The following TRDN variants were observed in gnomAD, a reference collection of about 807,000 sequenced individuals.
The protein encoded by TRDN is triadin in skeletal muscle.
TRDN carries 161 observed loss-of-function variants against 149.7 expected under a neutral mutation model. The ratio of observed to expected loss-of-function variants is 1.08; its 90% CI spans 0.95 to 1.23. The LOEUF (loss-of-function observed/expected upper bound fraction) is 1.23. Ranked by LOEUF, TRDN falls within the 50% of genes most tolerant of loss-of-function variation. The pLI is 0.00. For missense variants in TRDN, 896 were observed against 823.5 expected (o/e 1.09, Z -1.08); for synonymous variants, 294 against 250.5 (o/e 1.17, Z -1.64).
At chr6:123,496,126 T>A (rs1278337528) in intron 9 of TRDN, among the ~76,000 whole-genome samples, 1 of 147,160 alleles carries the variant, frequency 6.8e-6, no homozygotes, top group African/African-American at 2.5e-5. Context: ...ATAATATATA[T>A]TTATAAATTA....
chr6:123,325,172 T>A (rs1186968612), intron 23 of TRDN, among the ~76,000 whole-genome samples: 1 of 152,136 alleles, frequency 6.6e-6, no homozygotes, highest in Non-Finnish European at 1.5e-5. Flanking sequence ...AATAAGATTA[T>A]TTTTAGTGGT....
chr6:123,413,201 TCAA>T (rs978418765), intron 12 of TRDN, among the ~76,000 whole-genome samples: 3 of 152,232 alleles, frequency 2.0e-5, no homozygotes, highest in Admixed American at 6.5e-5. Flanking sequence ...CTTTCTGTTC[TCAA>T]CAAATTCCCA....
chr6:123,568,280 C>T (rs193041803), intron 2 of TRDN, among the ~76,000 whole-genome samples: 3 of 152,240 alleles, frequency 2.0e-5, no homozygotes, highest in Admixed American at 6.5e-5. Context: ...GGAGGCTGCT[C>T]TCACACATTG....
At position 123,216,911 on chromosome 6, in the gene TRDN, T is replaced by G. The variant is rs909738306; in HGVS notation, c.*1690A>C. ...ATTCTGTTCTATGAAATCTAAAACA[T>G]CTATCATATTTGCTATTTCTTTACT... On this transcript the variant is annotated 3_prime_UTR_variant, in exon 41 of 41. Coordinates refer to ENST00000334268, the MANE Select transcript of TRDN (RefSeq NM_006073.4). 6.6e-6 allele frequency: 1 copy of G among 151,994 alleles called. No homozygotes were observed. Among genetic ancestry groups the G allele is most frequent in the African/African-American group, 2.4e-5 (1 of 41,420 alleles). 9.4% of individuals were successfully genotyped at this position (151,994 alleles called of 1,614,324 possible). A position where few individuals can be genotyped will look rare whatever the true frequency, so the allele number is the denominator to read the frequency against.
chr6:123,544,188 A>T (rs964864626), intron 4 of TRDN, among the ~76,000 whole-genome samples: 11 of 151,196 alleles, frequency 7.3e-5, no homozygotes, highest in African/African-American at 2.7e-4. Flanking sequence ...AATAAATCTA[A>T]CCCTATATTT....
At chr6:123,621,879 G>C (rs1209679634) in intron 1 of TRDN, among the ~76,000 whole-genome samples, 1 of 152,116 alleles carries the variant, frequency 6.6e-6, no homozygotes, top group Admixed American at 6.6e-5. Context: ...GATGAATATG[G>C]GCTTCCCATG....
intron 38 of TRDN, among the ~76,000 whole-genome samples, chr6:123,232,746 G>T (rs1775651970): frequency 2.0e-5 from 3 of 151,986 alleles, no homozygotes; most frequent in Non-Finnish European, 4.4e-5. Context: ...ATTGTAATTT[G>T]GGGAGAAGGC....
At chr6:123,488,453 A>G (rs1218839778) in intron 9 of TRDN, among the ~76,000 whole-genome samples, 1 of 152,058 alleles carries the variant, frequency 6.6e-6, no homozygotes, top group African/African-American at 2.4e-5. Context: ...CATTGACCCC[A>G]CTGTATTCCT....
At chr6:123,582,669 G>A (rs1018979414) in intron 1 of TRDN, among the ~76,000 whole-genome samples, 9 of 152,244 alleles carry the variant, frequency 5.9e-5, no homozygotes, top group African/African-American at 9.6e-5. Flanking sequence ...GCAGGAACCC[G>A]CGATCTGGAT....
At chr6:123,393,042 C>T (rs1297891542) in intron 13 of TRDN, among the ~76,000 whole-genome samples, 8 of 151,970 alleles carry the variant, frequency 5.3e-5, no homozygotes, top group African/African-American at 4.8e-5. Flanking sequence ...ACACTTGAAC[C>T]CTTCCCTCAT....
chr6:123,535,482 C>T (rs558478473), intron 4 of TRDN, among the ~76,000 whole-genome samples: 2 of 152,198 alleles, frequency 1.3e-5, no homozygotes, highest in African/African-American at 4.8e-5. Flanking sequence ...AGATCCTTAT[C>T]GCTATTCATC....
intron 1 of TRDN, among the ~76,000 whole-genome samples, chr6:123,616,846 T>A (rs1785114151): frequency 6.6e-6 from 1 of 152,094 alleles, no homozygotes; most frequent in Non-Finnish European, 1.5e-5. Flanking sequence ...TGATCCCCAT[T>A]TTTTTTTCTC....
At chr6:123,590,406 G>A (rs542254988) in intron 1 of TRDN, among the ~76,000 whole-genome samples, 41 of 152,272 alleles carry the variant, frequency 2.7e-4, no homozygotes, top group African/African-American at 9.9e-4. Context: ...ACACTTCAGA[G>A]TTTCTACCAA....
rs149055590 is a variant in TRDN at position 123,627,503 on chromosome 6, T to C, written c.22+9251A>G. Reference sequence around the variant, plus strand: ...CATGCAGGCTTTATTATCTCATTGATAGAGCACAGGCAAAGTAAATTTATT... The same window carrying C: ...CATGCAGGCTTTATTATCTCATTGACAGAGCACAGGCAAAGTAAATTTATT... On this transcript the variant is annotated intron_variant, in intron 1 of 40. Coordinates refer to ENST00000334268, the MANE Select transcript of TRDN (RefSeq NM_006073.4). Among the ~76,000 whole-genome samples, 307 of 152,300 alleles carry C rather than the reference T, an allele frequency of 2.0e-3. 1 individual carries two copies. The highest frequency in any genetic ancestry group is 4.3e-3 in the South Asian group (21 of 4,832).
intron 20 of TRDN, among the ~76,000 whole-genome samples, chr6:123,362,864 T>C (rs1282898833): frequency 1.3e-5 from 2 of 152,134 alleles, no homozygotes; most frequent in Non-Finnish European, 2.9e-5. Context: ...TCATATAATA[T>C]ATAATCCACA....
intron 1 of TRDN, among the ~76,000 whole-genome samples, chr6:123,627,803 A>G (rs1180227179): frequency 6.6e-6 from 1 of 152,350 alleles, no homozygotes; most frequent in African/African-American, 2.4e-5. Flanking sequence ...CAGCTTCTAC[A>G]TCAATCCTTG....
intron 1 of TRDN, among the ~76,000 whole-genome samples, chr6:123,573,607 C>T (rs1370097403): frequency 1.3e-5 from 2 of 152,048 alleles, no homozygotes; most frequent in Non-Finnish European, 2.9e-5. Flanking sequence ...AAAGGATTCT[C>T]TGACTTCCTT....
Position 123,596,522 on chromosome 6 carries a change from AT to A in TRDN, c.23-25391del, listed in dbSNP as rs368211535. On this transcript the variant is annotated intron_variant, in intron 1 of 40. Transcript: ENST00000334268. ...CAGCCTTATATTGAAAGAAGATGCCATTTAGGATTTTTATAAATCAATTGAC... is the reference window on the plus strand; with the variant it reads ...CAGCCTTATATTGAAAGAAGATGCCATTAGGATTTTTATAAATCAATTGAC... Among the ~76,000 whole-genome samples, 435 of 152,228 alleles carry A rather than the reference AT, an allele frequency of 2.9e-3. 4 individuals are homozygous for A. The highest frequency in any genetic ancestry group is 0.01 in the African/African-American group (427 of 41,554).
intron 7 of TRDN, among the ~76,000 whole-genome samples, chr6:123,510,494 T>C (rs1278237502): frequency 1.3e-5 from 2 of 152,132 alleles, no homozygotes; most frequent in East Asian, 1.9e-4. Context: ...GGCAGATAAA[T>C]TTAATACAGA....
Sources: gnomAD v4.1 joint callset for allele counts (sites outside exome capture counted in the v4.1 genomes callset) on GRCh38, gnomAD v4.1.1 for gene constraint, MANE v1.5 for transcripts, NCBI Gene and HGNC (gene_info 2026-07-23, HGNC 2026-07-21) for gene names.